The following SPATA31D1 variants were observed in gnomAD, a reference collection of about 807,000 sequenced individuals.
SPATA31D1 encodes spermatogenesis-associated protein 31D1.
In SPATA31D1, 6 loss-of-function variants were observed where a neutral mutation model predicts 13.2. The ratio of observed to expected loss-of-function variants is 0.46; its 90% confidence interval spans 0.25 to 0.90. The LOEUF is 0.90. Ranked by LOEUF, SPATA31D1 falls within the 40% of genes least tolerant of loss-of-function variation. The pLI is 0.18. For synonymous variants in SPATA31D1, 903 were observed against 718.8 expected (o/e 1.26, Z -4.10); for missense variants, 2,445 against 1,884.7 (o/e 1.30, Z -5.50).
chr9:81,991,401 G>T lies in SPATA31D1; in HGVS notation c.931G>T (p.Val311Leu), dbSNP rs1300811233. ...TGCTTTACCACCGGAAGATTGCACTGTGACTCAGTCTAAATCAAGTCTCAC... is the reference window on the plus strand; with the variant it reads ...TGCTTTACCACCGGAAGATTGCACTTTGACTCAGTCTAAATCAAGTCTCAC... ...PSALPPEDCT[V>L]TQSKSSLTIL... Residue 311 changes from valine (V) to leucine (L), a missense_variant, in exon 4 of 4, where the codon GTG (valine) becomes TTG (leucine). Val to Leu is a conservative substitution (Grantham distance 32). Coordinates refer to ENST00000344803, the MANE Select transcript of SPATA31D1 (RefSeq NM_001001670.3). 1 of 1,614,012 alleles carries T rather than the reference G, an allele frequency of 6.2e-7. No individual in the cohort carries two copies. The highest frequency in any genetic ancestry group is 2.2e-5 in the East Asian group (1 of 44,874).
At chr9:81,989,468 C>T (rs748720787) in intron 1 of SPATA31D1, among the ~76,000 whole-genome samples, 7 of 152,268 alleles carry the variant, frequency 4.6e-5, no homozygotes, top group African/African-American at 1.2e-4. Context: ...GGCCTGTCTC[C>T]GTGACACTTG....
In SPATA31D1 at chr9:81,991,407, C is replaced by G. The variant is rs1407418497; in HGVS notation, c.937C>G (p.Gln313Glu). 4.3e-6 allele frequency: 7 copies of G among 1,613,930 alleles called. No homozygotes were observed. Among genetic ancestry groups the G allele is most frequent in the Non-Finnish European group, 5.9e-6 (7 of 1,179,912 alleles). The part of the protein sequence containing the change: ...ALPPEDCTVT[Q>E]SKSSLTILKT... ...ACCACCGGAAGATTGCACTGTGACT[C>G]AGTCTAAATCAAGTCTCACCATCTT... The change falls in exon 4 of 4, where the codon CAG (glutamine) becomes GAG (glutamate). Residue 313 changes from glutamine (Q) to glutamate (E), a missense_variant. Transcript: ENST00000344803.
chr9:81,989,649 C>T (rs1370900128), intron 1 of SPATA31D1, 129 bp from the exon 2 acceptor site: 1 of 1,034,416 alleles, frequency 9.7e-7, no homozygotes, highest in Non-Finnish European at 1.4e-6. Flanking sequence ...ATAACAGGAA[C>T]ATATTTCTAT....
chr9:81,991,094 A>G lies in SPATA31D1; in HGVS notation c.624A>G (p.Leu208=). ...LILSPDLITT[L]ADLFSPSPLR... Reference sequence around the variant, plus strand: ...TCTCACCTGACCTGATCACCACCTTAGCTGACTTATTTTCACCCTCACCAC... The same window carrying G: ...TCTCACCTGACCTGATCACCACCTTGGCTGACTTATTTTCACCCTCACCAC... Residue 208 remains leucine, a synonymous_variant, in exon 4 of 4, where the codon TTA becomes TTG. Transcript: ENST00000344803. 4 of 1,613,366 alleles carry G rather than the reference A, an allele frequency of 2.5e-6. No individual in the cohort carries two copies. The highest frequency in any genetic ancestry group is 3.4e-6 in the Non-Finnish European group (4 of 1,179,634).
Position 81,993,130 on chromosome 9 carries a change from A to T in SPATA31D1, c.2660A>T (p.Asp887Val), listed in dbSNP as rs1385353976. ...VTLVSEDHCV[D>V]TSQEISFLSS... ...TTGGTGAGTGAGGACCACTGCGTTG[A>T]TACTTCCCAGGAAATTTCCTTCCTT... Residue 887 changes from aspartate (D) to valine (V), a missense_variant, in exon 4 of 4, where the codon GAT becomes GTT. Coordinates refer to ENST00000344803, the MANE Select transcript of SPATA31D1 (RefSeq NM_001001670.3). The T allele has an allele frequency of 6.2e-7, 1 of 1,613,874 alleles. No individual in the cohort carries two copies.
rs376317955 is a variant in SPATA31D1, at chr9:81,991,918, A to T, written c.1448A>T (p.His483Leu). Residue 483 changes from histidine to leucine, a missense_variant, in exon 4 of 4, where the codon CAT becomes CTT. Transcript: ENST00000344803. ...GGCAAACTAGAATGGCAGCACATCCATCAGCAGCCTCCACACTCTAAATGC... is the reference window on the plus strand; with the variant it reads ...GGCAAACTAGAATGGCAGCACATCCTTCAGCAGCCTCCACACTCTAAATGC... ...SKGKLEWQHI[H>L]QQPPHSKCFE... 1.2e-6 allele frequency: 2 copies of T among 1,613,812 alleles called. No homozygotes were observed.
Position 81,988,840 on chromosome 9 carries a change from C to G in SPATA31D1, c.22C>G (p.Leu8Val), listed in dbSNP as rs372406686. 3 of 1,612,614 alleles carry G rather than the reference C, an allele frequency of 1.9e-6. No homozygotes were observed. The highest frequency in any genetic ancestry group is 1.3e-5 in the African/African-American group (1 of 74,878). ...GACCATGGAGAATATCCTCTGTTTT[C>G]TGAACAGCTATACTGAGACAGGGCT... MENILCFLNSYTETGLSP... is the reference protein window; with the variant it reads MENILCFVNSYTETGLSP... Residue 8 changes from leucine to valine, a missense_variant, in exon 1 of 4, where the codon CTG (leucine) becomes GTG (valine). By Grantham distance (32) the Leu-to-Val change is conservative. Coordinates refer to ENST00000344803, the MANE Select transcript of SPATA31D1 (RefSeq NM_001001670.3).
At position 81,992,209 on chromosome 9, in the gene SPATA31D1, C is replaced by T. The variant is rs1824984298; in HGVS notation, c.1739C>T (p.Ser580Phe). ...GQSPHLTQVK[S>F]LAQPQSPFRA... ...TCCCCACATCTCACTCAGGTGAAGTCCCTGGCTCAACCTCAATCTCCATTC... is the reference window on the plus strand; with the variant it reads ...TCCCCACATCTCACTCAGGTGAAGTTCCTGGCTCAACCTCAATCTCCATTC... The change falls in exon 4 of 4, where the codon TCC (serine) becomes TTC (phenylalanine). Residue 580 changes from serine (S) to phenylalanine (F), a missense_variant. Ser to Phe is a radical substitution (Grantham distance 155, BLOSUM62 -2). Coordinates refer to ENST00000344803, the MANE Select transcript of SPATA31D1 (RefSeq NM_001001670.3). 6.2e-7 allele frequency: 1 copy of T among 1,613,756 alleles called. No homozygotes were observed. The highest frequency in any genetic ancestry group is 8.5e-7 in the Non-Finnish European group (1 of 1,179,720).
In SPATA31D1 at chr9:81,990,451, G is replaced by A. The variant is rs1378108054; in HGVS notation, c.267G>A (p.Glu89=). The A allele has an allele frequency of 6.2e-7, 1 of 1,608,976 alleles. No individual in the cohort carries two copies. Among genetic ancestry groups the A allele is most frequent in the South Asian group, 1.1e-5 (1 of 89,678 alleles). The change falls in exon 3 of 4, where the codon GAG becomes GAA. Residue 89 remains glutamate (E), a synonymous_variant. Transcript: ENST00000344803. ...ACTGGAAAAGTTTCCAGAGAGAAGAGGAAGAGGAAAGGAAGCTGCTTTCTC... is the reference window on the plus strand; with the variant it reads ...ACTGGAAAAGTTTCCAGAGAGAAGAAGAAGAGGAAAGGAAGCTGCTTTCTC... ...FPDWKSFQRE[E]EEERKLLSLL...
chr9:81,993,054 T>G lies in SPATA31D1; in HGVS notation c.2584T>G (p.Ser862Ala). 1 of 1,613,772 alleles carries G rather than the reference T, an allele frequency of 6.2e-7. No homozygotes were observed. The highest frequency in any genetic ancestry group is 8.5e-7 in the Non-Finnish European group (1 of 1,179,740). ...ATGGCACTCAGTCAAGCAGACAATG[T>G]CTCTTCCTGAGAAATCCCACAGCCA... The part of the protein sequence containing the change: ...SSWHSVKQTM[S>A]LPEKSHSQIK... The change falls in exon 4 of 4, where the codon TCT (serine) becomes GCT (alanine). Residue 862 changes from serine (S) to alanine (A), a missense_variant. Coordinates refer to ENST00000344803, the MANE Select transcript of SPATA31D1 (RefSeq NM_001001670.3).
At position 81,992,870 on chromosome 9, in the gene SPATA31D1, C is replaced by A. The variant is rs201491537; in HGVS notation, c.2400C>A (p.Asn800Lys). ...CTTCAGACAAGGATCTGAGGTCTAA[C>A]TCTGAGAGAGACCTAGAAACTCATA... ...ETSSDKDLRS[N>K]SERDLETHMM... Residue 800 changes from asparagine to lysine, a missense_variant, in exon 4 of 4, where the codon AAC (asparagine) becomes AAA (lysine). Coordinates refer to ENST00000344803, the MANE Select transcript of SPATA31D1 (RefSeq NM_001001670.3). 2.9e-5 allele frequency: 47 copies of A among 1,613,806 alleles called. No individual in the cohort carries two copies. The highest frequency in any genetic ancestry group is 3.9e-5 in the Non-Finnish European group (46 of 1,179,722).
At position 81,991,505 on chromosome 9, in the gene SPATA31D1, C is replaced by T. The variant is rs780503248; in HGVS notation, c.1035C>T (p.Gly345=). The T allele has an allele frequency of 3.1e-6, 5 of 1,614,048 alleles. No individual in the cohort carries two copies. The highest frequency in any genetic ancestry group is 4.2e-6 in the Non-Finnish European group (5 of 1,179,906). ...GSSTSAPTIK[G]IDHSHLASSE... is the part of the protein sequence containing the mutation. Reference sequence around the variant, plus strand: ...CCACCTCTGCCCCAACAATCAAAGGCATTGACCATTCACACCTTGCATCTT... The same window carrying T: ...CCACCTCTGCCCCAACAATCAAAGGTATTGACCATTCACACCTTGCATCTT... Residue 345 remains glycine (G), a synonymous_variant, in exon 4 of 4, where the codon GGC becomes GGT. Coordinates refer to ENST00000344803, the MANE Select transcript of SPATA31D1 (RefSeq NM_001001670.3).
intron 3 of SPATA31D1, 48 bp downstream of exon 3, chr9:81,990,534 C>G (rs372222251): frequency 2.6e-6 from 4 of 1,524,956 alleles, no homozygotes; most frequent in Non-Finnish European, 8.9e-7. Context: ...ACTCCTTCTT[C>G]TTTAGTACGT....
At chr9:81,990,070 C>T in intron 2 of SPATA31D1, 1 of 529,620 alleles carries the variant, frequency 1.9e-6, no homozygotes, top group East Asian at 3.1e-5. Flanking sequence ...TGGTGGCCAA[C>T]TGAGATATCC....
chr9:81,989,885 C>T (rs1305170655), intron 2 of SPATA31D1, 62 bp downstream of exon 2: 2 of 1,555,866 alleles, frequency 1.3e-6, no homozygotes, highest in Non-Finnish European at 1.8e-6. Flanking sequence ...TTCATGATGA[C>T]TCAGTCCCAT....
Position 81,992,590 on chromosome 9 carries a change from A to G in SPATA31D1, c.2120A>G (p.His707Arg), listed in dbSNP as rs1044972077. ...AGATGGGGCCTGCCCCGCAGAATCC[A>G]TGAGTCTCTGTCATTGCTACGTCCT... ...QRRWGLPRRI[H>R]ESLSLLRPQS... Residue 707 changes from histidine (H) to arginine (R), a missense_variant, in exon 4 of 4, where the codon CAT becomes CGT. Physicochemically the swap from His to Arg is conservative, Grantham distance 29 (BLOSUM62 0). Transcript: ENST00000344803. The G allele has an allele frequency of 1.2e-6, 2 of 1,612,412 alleles. No individual in the cohort carries two copies. Among genetic ancestry groups the G allele is most frequent in the African/African-American group, 2.7e-5 (2 of 74,888 alleles).
At position 81,993,922 on chromosome 9, in the gene SPATA31D1, A is replaced by G. The variant is rs143638690; in HGVS notation, c.3452A>G (p.Asn1151Ser). ...QGSRKTFPVT[N>S]ALQSQTRNNL... ...AGTAGAAAGACCTTTCCTGTCACCA[A>G]TGCTCTTCAATCACAAACTAGGAAC... Residue 1151 changes from asparagine to serine, a missense_variant, in exon 4 of 4, where the codon AAT becomes AGT. Transcript: ENST00000344803. 6.6e-4 allele frequency: 1,070 copies of G among 1,613,892 alleles called. 1 individual carries two copies. The highest frequency in any genetic ancestry group is 1.1e-3 in the East Asian group (48 of 44,870).
chr9:81,989,928 C>A, intron 2 of SPATA31D1, 105 bp downstream of exon 2: 1 of 1,327,338 alleles, frequency 7.5e-7, no homozygotes, highest in Non-Finnish European at 1.0e-6. Context: ...TAGATGCAGT[C>A]TTAGAAAACA....
chr9:81,994,380 C>G lies in SPATA31D1; in HGVS notation c.3910C>G (p.Leu1304Val). The change falls in exon 4 of 4, where the codon CTT becomes GTT. Residue 1304 changes from leucine (L) to valine (V), a missense_variant. Transcript: ENST00000344803. ...TCCTGTGAGACCCAAAGGAGGAGAG[C>G]TTGATGGAGGGGATGCAGGGCTGGG... is the stretch of plus-strand genomic sequence containing the variant. ...VSPVRPKGGE[L>V]DGGDAGLGTS... The G allele has an allele frequency of 1.2e-6, 2 of 1,613,902 alleles. No individual in the cohort carries two copies. The highest frequency in any genetic ancestry group is 2.7e-5 in the African/African-American group (2 of 75,014).
Sources: gnomAD v4.1 joint callset for allele counts (sites outside exome capture counted in the v4.1 genomes callset) on GRCh38, gnomAD v4.1.1 for gene constraint, MANE v1.5 for transcripts, NCBI Gene and HGNC (gene_info 2026-07-23, HGNC 2026-07-21) for gene names.